DYNC2I1: variants seen among roughly 807,000 people sequenced by gnomAD.
DYNC2I1 encodes dynein 2 intermediate chain 1, also known as cytoplasmic dynein 2 intermediate chain 1.
DYNC2I1 carries 89 observed loss-of-function variants against 133.4 expected under a neutral mutation model. The ratio of observed to expected loss-of-function variants is 0.67; its 90% CI spans 0.56 to 0.80. DYNC2I1 has a LOEUF of 0.80. Ranked by LOEUF, DYNC2I1 falls within the 30% of genes least tolerant of loss-of-function variation. DYNC2I1 has a pLI of 0.00. For missense variants in DYNC2I1, 1,291 were observed against 1,314.5 expected, an observed-to-expected ratio of 0.98 and a Z score of 0.28; for synonymous variants, 504 against 484.3, an observed-to-expected ratio of 1.04 and a Z score of -0.54.
At chr7:158,902,818 C>T (rs886335698) in intron 10 of DYNC2I1, 1 of 539,268 alleles carries the variant, frequency 1.9e-6, no homozygotes, top group African/African-American at 1.9e-5. Context: ...AGTTGCACGT[C>T]ACTTTCTGCT....
chr7:158,914,997 T>C (rs1327163067), intron 14 of DYNC2I1, among the ~76,000 whole-genome samples: 3 of 152,270 alleles, frequency 2.0e-5, no homozygotes, highest in Admixed American at 2.0e-4. Flanking sequence ...GTATGTAAGC[T>C]CAGCACTTGA....
In DYNC2I1 at chr7:158,871,152, C is replaced by G. The variant is rs375719341; in HGVS notation, c.80C>G (p.Ser27Ter). Reference protein sequence around the residue: ...DLRKHLWAIQSGGSKEERKHR... With the variant: ...DLRKHLWAIQ ...GTTCTCTTGTTTCAGGCCATACAGT[C>G]AGGTGGTTCCAAGGAAGAAAGAAAG... Residue 27 changes from serine (S) to a stop codon, truncating the protein, a stop_gained, in exon 3 of 25, where the codon TCA (serine) becomes TGA (stop). Coordinates refer to ENST00000407559, the MANE Select transcript of DYNC2I1 (RefSeq NM_018051.5). LOFTEE classifies it high-confidence loss of function. The G allele has an allele frequency of 3.1e-6, 5 of 1,612,654 alleles. No homozygotes were observed. The highest frequency in any genetic ancestry group is 4.2e-6 in the Non-Finnish European group (5 of 1,179,278).
chr7:158,878,420 C>T (rs111339218), intron 4 of DYNC2I1, among the ~76,000 whole-genome samples: 2,850 of 111,888 alleles, frequency 0.025, 109 homozygotes, highest in Middle Eastern at 0.06. Flanking sequence ...CCAGGAGGGC[C>T]GACTGTGAGT....
At chr7:158,911,721 A>C in intron 12 of DYNC2I1, 42 bp downstream of exon 12, 2 of 1,577,046 alleles carry the variant, frequency 1.3e-6, no homozygotes, top group Non-Finnish European at 1.7e-6. Context: ...AATGCAAGTA[A>C]AGTCTAGTAG....
intron 1 of DYNC2I1, among the ~76,000 whole-genome samples, chr7:158,865,038 G>A (rs1052414517): frequency 2.6e-5 from 4 of 152,202 alleles, no homozygotes; most frequent in African/African-American, 9.7e-5. Context: ...AGGGGCTTCT[G>A]CTGTTTGGCT....
chr7:158,955,269 G>A (rs956124405), intron 4 of DYNC2I1, among the ~76,000 whole-genome samples: 28 of 152,182 alleles, frequency 1.8e-4, no homozygotes, highest in African/African-American at 6.0e-4. Flanking sequence ...TCTGGGCCAC[G>A]CCTGCCCTTT....
chr7:158,940,678 G>A (rs983338800), intron 23 of DYNC2I1, among the ~76,000 whole-genome samples: 4 of 152,124 alleles, frequency 2.6e-5, no homozygotes, highest in Non-Finnish European at 4.4e-5. Flanking sequence ...AATAACAGGA[G>A]GAACCTTGGA....
rs371102896 is a variant in DYNC2I1 at position 158,923,717 on chromosome 7, C to T, written c.2241C>T (p.Thr747=). 2.7e-5 allele frequency: 44 copies of T among 1,610,732 alleles called. No homozygotes were observed. Among genetic ancestry groups the T allele is most frequent in the Middle Eastern group, 1.6e-4 (1 of 6,068 alleles). The change falls in exon 17 of 25, where the codon ACC becomes ACT. Residue 747 remains threonine (T), a synonymous_variant. Transcript: ENST00000407559. ...GCGATGGCTTCTGGACGTTCCGGAC[C>T]GCCACGTTTTCCACCGGTCAGTGTC... ...TLSDGFWTFR[T]ATFSTDGILT...
intron 1 of DYNC2I1, among the ~76,000 whole-genome samples, chr7:158,859,891 TA>T (rs1379714731): frequency 6.6e-6 from 1 of 152,224 alleles, no homozygotes; most frequent in Non-Finnish European, 1.5e-5. Flanking sequence ...AGTCGGTCTT[TA>T]ACTTTTTAGG....
intron 5 of DYNC2I1, among the ~76,000 whole-genome samples, chr7:158,883,454 G>A (rs1309210392): frequency 6.6e-6 from 1 of 150,588 alleles, no homozygotes; most frequent in Non-Finnish European, 1.5e-5. Flanking sequence ...CCTGACCTCA[G>A]GTGATCCTCC....
intron 4 of DYNC2I1, among the ~76,000 whole-genome samples, chr7:158,952,823 C>T (rs891742999): frequency 7.2e-6 from 1 of 139,366 alleles, no homozygotes; most frequent in Non-Finnish European, 1.6e-5. Flanking sequence ...ACAGCGTGGG[C>T]TCAGCCTGAG....
intron 8 of DYNC2I1, among the ~76,000 whole-genome samples, chr7:158,893,216 C>A (rs556895773): frequency 5.3e-5 from 8 of 152,110 alleles, no homozygotes; most frequent in African/African-American, 1.9e-4. Flanking sequence ...TGCCCTAAAA[C>A]CCCTGTGCTC....
upstream of DYNC2I1, among the ~76,000 whole-genome samples, chr7:158,854,338 C>A (rs1342883646): frequency 2.0e-5 from 3 of 152,100 alleles, no homozygotes; most frequent in Non-Finnish European, 4.4e-5. Flanking sequence ...GTTAGTCCTC[C>A]AAAGGCCATC....
chr7:158,891,868 CGG>C (rs1845255666), intron 8 of DYNC2I1, among the ~76,000 whole-genome samples: 2 of 114,526 alleles, frequency 1.7e-5, no homozygotes, highest in Non-Finnish European at 4.2e-5. Flanking sequence ...GGAAGAATTG[CGG>C]ACGGGGCCTC....
intron 10 of DYNC2I1, chr7:158,905,392 C>T (rs981947273): frequency 8.0e-5 from 19 of 237,960 alleles, no homozygotes; most frequent in African/African-American, 3.3e-4. Flanking sequence ...CCGCCTGCCT[C>T]GGCCTCCCAG....
At chr7:158,855,758 T>G (rs1219238911), upstream of DYNC2I1, among the ~76,000 whole-genome samples, 4 of 152,184 alleles carry the variant, frequency 2.6e-5, no homozygotes, top group Admixed American at 1.3e-4. Flanking sequence ...CAGCCCTAAC[T>G]TTCCCTTTGG....
chr7:158,886,903 A>C, intron 6 of DYNC2I1, 118 bp from the exon 7 acceptor site: 1 of 927,526 alleles, frequency 1.1e-6, no homozygotes, highest in South Asian at 1.6e-5. Context: ...TCCTGGTTGT[A>C]GTAGTTCTTA....
In DYNC2I1 at chr7:158,942,142, C is replaced by T. The variant is rs756662710; in HGVS notation, c.2996C>T (p.Pro999Leu). ...LGPVAKQQVS[P>L]NRLVAMAAVG... is the part of the protein sequence containing the mutation. Reference sequence around the variant, plus strand: ...CCTGTCGCCAAACAGCAGGTCTCCCCCAACAGGCAAGTGGGGAAGCTCTGG... The same window carrying T: ...CCTGTCGCCAAACAGCAGGTCTCCCTCAACAGGCAAGTGGGGAAGCTCTGG... Residue 999 changes from proline (P) to leucine (L), a missense_variant, in exon 24 of 25, where the codon CCC becomes CTC. Transcript: ENST00000407559. 6.5e-7 allele frequency: 1 copy of T among 1,544,582 alleles called. No homozygotes were observed. The highest frequency in any genetic ancestry group is 1.9e-5 in the Admixed American group (1 of 53,794).
At chr7:158,956,967 C>T (rs567569602), downstream of DYNC2I1, among the ~76,000 whole-genome samples, 4 of 152,200 alleles carry the variant, frequency 2.6e-5, no homozygotes, top group East Asian at 3.9e-4. Context: ...CACACTCACC[C>T]GGCATCGGGC....
Sources: allele counts gnomAD v4.1 joint callset (sites outside exome capture counted in the v4.1 genomes callset), GRCh38; gene constraint gnomAD v4.1.1; transcripts MANE v1.5; gene names NCBI Gene and HGNC (gene_info 2026-07-23, HGNC 2026-07-21).